Variants in PSME4 observed in about 807,000 individuals in gnomAD.
PSME4 encodes the protein proteasome activator subunit 4, also known as proteasome activator complex subunit 4.
PSME4 carries 89 observed loss-of-function variants against 253.9 expected under a neutral mutation model. That is an observed-to-expected ratio of 0.35 (90% confidence interval 0.30 to 0.42). PSME4 has a LOEUF of 0.42. Ranked by LOEUF, PSME4 falls within the 10% of genes least tolerant of loss-of-function variation. The pLI, the probability that PSME4 is intolerant of heterozygous loss-of-function variation, is 1.00. For synonymous variants in PSME4, 851 were observed against 759.2 expected (o/e 1.12, Z -1.99); for missense variants, 2,014 against 2,195.2 (o/e 0.92, Z 1.65).
intron 1 of PSME4, among the ~76,000 whole-genome samples, chr2:53,955,366 T>C (rs920419682): frequency 6.6e-6 from 1 of 152,140 alleles, no homozygotes; most frequent in African/African-American, 2.4e-5. Flanking sequence ...TCTTAAAACA[T>C]TTAGGTTTTC....
At chr2:53,937,716 A>G (rs1244315726) in intron 4 of PSME4, among the ~76,000 whole-genome samples, 176 bp from the exon 5 acceptor site, 2 of 152,154 alleles carry the variant, frequency 1.3e-5, no homozygotes, top group African/African-American at 2.4e-5. Flanking sequence ...TAAATGCCCC[A>G]GTTGGGTGCA....
chr2:53,876,583 T>G (rs1332335172), intron 41 of PSME4, among the ~76,000 whole-genome samples: 1 of 150,124 alleles, frequency 6.7e-6, no homozygotes, highest in Admixed American at 6.7e-5. Flanking sequence ...GCTAGAATAC[T>G]TATATATATA....
At position 53,894,633 on chromosome 2, in the gene PSME4, C is replaced by G. The variant is rs150333307; in HGVS notation, c.3912+374G>C. The stretch of plus-strand genomic sequence containing the variant: ...TTAAGGAGTTTTAACTGAAATCTAC[C>G]AACATGCATTTACGGAGATCCCATA... On this transcript the variant is annotated intron_variant, in intron 34 of 46. Coordinates refer to ENST00000404125, the MANE Select transcript of PSME4 (RefSeq NM_014614.3). Among the ~76,000 whole-genome samples the G allele has an allele frequency of 2.0e-5, 3 of 149,030 alleles. No individual in the cohort carries two copies. In the East Asian group the frequency reaches 5.8e-4, roughly 29 times the overall value.
At chr2:53,874,530 T>C in intron 42 of PSME4, 36 bp from the exon 43 acceptor site, 3 of 1,589,252 alleles carry the variant, frequency 1.9e-6, no homozygotes, top group Non-Finnish European at 2.6e-6. Context: ...GATAAAGCAG[T>C]ACTGACAAGA....
intron 41 of PSME4, among the ~76,000 whole-genome samples, chr2:53,884,236 G>A (rs1191155323): frequency 6.6e-6 from 1 of 152,032 alleles, no homozygotes; most frequent in Non-Finnish European, 1.5e-5. Context: ...TTTCGAGATG[G>A]AGTCTTGCTC....
intron 20 of PSME4, among the ~76,000 whole-genome samples, chr2:53,917,555 G>A (rs762781277): frequency 3.9e-5 from 6 of 152,132 alleles, no homozygotes; most frequent in African/African-American, 7.2e-5. Flanking sequence ...CCCTTCAGCA[G>A]TGCATCCTAA....
chr2:53,889,458 T>C (rs981832415), intron 37 of PSME4, among the ~76,000 whole-genome samples: 3 of 152,170 alleles, frequency 2.0e-5, no homozygotes, highest in Admixed American at 6.5e-5. Context: ...AGGTTCACTA[T>C]AGACACAACC....
intron 20 of PSME4, among the ~76,000 whole-genome samples, chr2:53,911,951 T>C (rs1448523555): frequency 1.3e-5 from 2 of 152,232 alleles, no homozygotes; most frequent in Non-Finnish European, 2.9e-5. Context: ...TTTGAATTGT[T>C]TTCTTATCAG....
At chr2:53,956,374 C>T (rs759685442) in intron 1 of PSME4, among the ~76,000 whole-genome samples, 10 of 151,318 alleles carry the variant, frequency 6.6e-5, no homozygotes, top group Non-Finnish European at 1.3e-4. Flanking sequence ...ACTAAAAATA[C>T]AAAAAATTAG....
At chr2:53,901,614 GT>G in intron 27 of PSME4, 55 bp from the exon 28 acceptor site, 1 of 1,439,194 alleles carries the variant, frequency 6.9e-7, no homozygotes, top group Non-Finnish European at 9.6e-7. Context: ...GCATCATGTA[GT>G]TGTAGCCAAT....
rs144785024 is a variant in PSME4 at position 53,951,063 on chromosome 2, C to A, written c.243-1780G>T. Among the ~76,000 whole-genome samples the A allele has an allele frequency of 7.5e-3, 1,144 of 152,116 alleles. 10 individuals carry two copies. Among genetic ancestry groups the A allele is most frequent in the Non-Finnish European group, 0.012 (846 of 67,996 alleles). On this transcript the variant is annotated intron_variant, in intron 1 of 46. Coordinates refer to ENST00000404125, the MANE Select transcript of PSME4 (RefSeq NM_014614.3). ...TTAACACTCCCCCAGTACCTGAGAT[C>A]AAATAAAACTTACATTTAACTTCTT...
Position 53,887,328 on chromosome 2 carries a change from G to C in PSME4, c.4660C>G (p.His1554Asp). The C allele has an allele frequency of 6.2e-7, 1 of 1,613,926 alleles. No homozygotes were observed. Among genetic ancestry groups the C allele is most frequent in the South Asian group, 1.1e-5 (1 of 91,066 alleles). Residue 1554 changes from histidine (H) to aspartate (D), a missense_variant, in exon 40 of 47, where the codon CAT becomes GAT. Around this residue, in one of 4 missense-constraint regions of PSME4, gnomAD observed 403 missense variants for 556.1 expected, o/e 0.72. Coordinates refer to ENST00000404125, the MANE Select transcript of PSME4 (RefSeq NM_014614.3). ...CCAATTCCATTTTCTTCCATAACAT[G>C]GTTCTGAATTTCTTCATCCACATCC... The part of the protein sequence containing the change: ...LMDVDEEIQN[H>D]VMEENGIGEE...
intron 30 of PSME4, 146 bp downstream of exon 30, chr2:53,898,155 C>T (rs1174256991): frequency 8.6e-7 from 1 of 1,168,336 alleles, no homozygotes; most frequent in Admixed American, 2.7e-5. Context: ...ACTTTCCCTC[C>T]ATCTCTTTTC....
chr2:53,958,040 G>T (rs1368998965), intron 1 of PSME4, among the ~76,000 whole-genome samples: 1 of 152,034 alleles, frequency 6.6e-6, no homozygotes, highest in Non-Finnish European at 1.5e-5. Context: ...ACAAAAATTA[G>T]CTGGGCATGG....
intron 1 of PSME4, among the ~76,000 whole-genome samples, chr2:53,957,914 T>G (rs1251574736): frequency 6.6e-6 from 1 of 152,160 alleles, no homozygotes; most frequent in Non-Finnish European, 1.5e-5. Flanking sequence ...TGTTCACTTT[T>G]CAATCTCCTG....
intron 3 of PSME4, among the ~76,000 whole-genome samples, chr2:53,943,919 C>T (rs1303592725): frequency 6.8e-6 from 1 of 147,748 alleles, no homozygotes; most frequent in African/African-American, 2.5e-5. Context: ...TTAACATTGA[C>T]TTTTCATTAA....
intron 5 of PSME4, 149 bp downstream of exon 5, chr2:53,937,242 G>T: frequency 1.4e-6 from 1 of 725,338 alleles, no homozygotes; most frequent in Non-Finnish European, 2.1e-6. Flanking sequence ...AACCGTTTTA[G>T]CCTTAACACA....
chr2:53,937,829 C>T (rs946166752), intron 4 of PSME4, among the ~76,000 whole-genome samples: 1 of 152,032 alleles, frequency 6.6e-6, no homozygotes, highest in Admixed American at 6.6e-5. Flanking sequence ...AAAACCCAGT[C>T]TTTACAAAAA....
At chr2:53,879,700 C>G (rs955171057) in intron 41 of PSME4, among the ~76,000 whole-genome samples, 2 of 149,620 alleles carry the variant, frequency 1.3e-5, no homozygotes, top group Non-Finnish European at 3.0e-5. Flanking sequence ...CTAATCAACT[C>G]AGTAACAATG....
Sources: gnomAD v4.1 joint callset for allele counts (sites outside exome capture counted in the v4.1 genomes callset) on GRCh38, gnomAD v4.1.1 for gene constraint, gnomAD v4.1.1 regional missense constraint, MANE v1.5 for transcripts, NCBI Gene and HGNC (gene_info 2026-07-23, HGNC 2026-07-21) for gene names.